MACROD2: variants seen among roughly 807,000 people sequenced by gnomAD.
The protein encoded by MACROD2 is ADP-ribose glycohydrolase MACROD2.
MACROD2 carries 36 observed loss-of-function variants against 70.4 expected under a neutral mutation model. The ratio of observed to expected loss-of-function variants is 0.51; its 90% CI spans 0.39 to 0.68. The LOEUF is 0.68. Ranked by LOEUF, MACROD2 falls within the 30% of genes least tolerant of loss-of-function variation. The probability of loss-of-function intolerance (pLI) is 0.00; values close to 1 mark genes in which losing one functional copy is unlikely to be tolerated. For synonymous variants in MACROD2, 172 were observed against 178.8 expected (o/e 0.96, Z 0.30); for missense variants, 496 against 538.4 (o/e 0.92, Z 0.78).
At chr20:14,900,336 C>T (rs548547866) in intron 5 of MACROD2, among the ~76,000 whole-genome samples, 16 of 152,078 alleles carry the variant, frequency 1.1e-4, no homozygotes, top group African/African-American at 2.9e-4. Context: ...AGAATGAGCT[C>T]GGAAGTGTTT....
At chr20:15,181,138 A>G (rs1461878391) in intron 5 of MACROD2, among the ~76,000 whole-genome samples, 1 of 152,182 alleles carries the variant, frequency 6.6e-6, no homozygotes, top group Admixed American at 6.5e-5. Context: ...AGTATAGAAA[A>G]TTCAGCTCTC....
At chr20:15,221,150 T>A (rs2145966065) in intron 5 of MACROD2, among the ~76,000 whole-genome samples, 1 of 152,274 alleles carries the variant, frequency 6.6e-6, no homozygotes, top group East Asian at 1.9e-4. Context: ...TAAAGCCGAT[T>A]TTCTCCTCAC....
At chr20:15,334,295 C>A (rs1330050538) in intron 6 of MACROD2, among the ~76,000 whole-genome samples, 1 of 143,588 alleles carries the variant, frequency 7.0e-6, no homozygotes, top group Non-Finnish European at 1.5e-5. Context: ...TTTCCTCTAT[C>A]ATAGAGTTCC....
intron 4 of MACROD2, among the ~76,000 whole-genome samples, chr20:14,609,267 G>T (rs927923330): frequency 6.6e-6 from 1 of 152,032 alleles, no homozygotes; most frequent in African/African-American, 2.4e-5. Flanking sequence ...GAAGTTAGAG[G>T]ATTCAAAATA....
intron 4 of MACROD2, among the ~76,000 whole-genome samples, chr20:14,513,962 T>A (rs559010676): frequency 3.9e-5 from 6 of 152,250 alleles, no homozygotes; most frequent in African/African-American, 1.4e-4. Flanking sequence ...GCTATCTTTT[T>A]AAATTTTACA....
intron 3 of MACROD2, among the ~76,000 whole-genome samples, chr20:14,216,769 T>C (rs1395947511): frequency 1.3e-5 from 2 of 152,108 alleles, no homozygotes; most frequent in Admixed American, 6.6e-5. Context: ...TGTTTGCAGC[T>C]ATTGTAAAAG....
chr20:15,494,075 G>A (rs1337771276), intron 7 of MACROD2, among the ~76,000 whole-genome samples: 3 of 152,058 alleles, frequency 2.0e-5, no homozygotes, highest in Non-Finnish European at 4.4e-5. Context: ...AACTTGTCTT[G>A]GCTTCTAGTT....
chr20:14,861,325 A>C (rs1251181049), intron 5 of MACROD2, among the ~76,000 whole-genome samples: 1 of 152,008 alleles, frequency 6.6e-6, no homozygotes, highest in Non-Finnish European at 1.5e-5. Flanking sequence ...AGTCTTGTCT[A>C]CTCATTGGAA....
At chr20:14,886,458 G>T (rs1415354961) in intron 5 of MACROD2, among the ~76,000 whole-genome samples, 1 of 152,166 alleles carries the variant, frequency 6.6e-6, no homozygotes, top group African/African-American at 2.4e-5. Context: ...CATTGGGAAA[G>T]TTTGAGAAGA....
intron 4 of MACROD2, among the ~76,000 whole-genome samples, chr20:14,537,611 C>A (rs941302207): frequency 6.6e-6 from 1 of 152,100 alleles, no homozygotes; most frequent in African/African-American, 2.4e-5. Context: ...CAGAGGTGGG[C>A]TAAGAGGACG....
In MACROD2 at chr20:14,532,255, G is replaced by A. The variant is rs1357850631; in HGVS notation, c.301+38747G>A. Among the ~76,000 whole-genome samples, 31 of 132,248 alleles carry A rather than the reference G, an allele frequency of 2.3e-4. No individual in the cohort carries two copies. In the East Asian group the frequency reaches 5.6e-3, roughly 24 times the overall value. 86.8% of individuals were successfully genotyped at this position (132,248 alleles called of 152,430 possible). On this transcript the variant is annotated intron_variant, in intron 4 of 17. Transcript: ENST00000684519. ...TTTTTTTGAGATGGAGTCTTGCTCT[G>A]TCACCCAGGCTGGAGTGCAATGGCG... is the stretch of plus-strand genomic sequence containing the variant.
chr20:14,754,466 G>A (rs999932755), intron 5 of MACROD2, among the ~76,000 whole-genome samples: 2 of 152,124 alleles, frequency 1.3e-5, no homozygotes, highest in Admixed American at 6.5e-5. Flanking sequence ...GTGTCAATTA[G>A]TGGTTGCTGT....
intron 6 of MACROD2, among the ~76,000 whole-genome samples, chr20:15,317,928 G>T (rs962970590): frequency 1.3e-5 from 2 of 151,744 alleles, no homozygotes; most frequent in African/African-American, 4.8e-5. Flanking sequence ...CAAATGTCTG[G>T]GACCAGTCAA....
intron 3 of MACROD2, among the ~76,000 whole-genome samples, chr20:14,401,269 A>G (rs1600203150): frequency 1.3e-5 from 2 of 152,242 alleles, no homozygotes; most frequent in East Asian, 3.9e-4. Flanking sequence ...ATAGGTATGC[A>G]TGTGTCTTTA....
chr20:15,252,305 A>C (rs910256497), intron 6 of MACROD2, among the ~76,000 whole-genome samples: 3 of 152,242 alleles, frequency 2.0e-5, no homozygotes, highest in African/African-American at 4.8e-5. Flanking sequence ...ATCCTGTACC[A>C]GTCAGGATAG....
At chr20:15,850,771 A>T (rs1262752947) in intron 8 of MACROD2, among the ~76,000 whole-genome samples, 2 of 152,108 alleles carry the variant, frequency 1.3e-5, no homozygotes, top group Admixed American at 1.3e-4. Context: ...ACTTTGAGAG[A>T]CACGTTTCCC....
chr20:15,835,900 G>A (rs1408956362), intron 8 of MACROD2, among the ~76,000 whole-genome samples: 1 of 152,164 alleles, frequency 6.6e-6, no homozygotes, highest in Non-Finnish European at 1.5e-5. Context: ...CTGTAAAGTT[G>A]CTTGCAGAAT....
At chr20:15,871,800 C>A (rs191761854) in intron 9 of MACROD2, among the ~76,000 whole-genome samples, 44 of 152,252 alleles carry the variant, frequency 2.9e-4, no homozygotes, top group African/African-American at 1.0e-3. Flanking sequence ...GAAGCCCTGA[C>A]TGAGAAATTT....
chr20:14,064,687 A>G (rs991156472), intron 2 of MACROD2, among the ~76,000 whole-genome samples: 3 of 152,174 alleles, frequency 2.0e-5, no homozygotes, highest in African/African-American at 7.2e-5. Context: ...CTGTGTTTCC[A>G]TTTAGGCTCC....
Sources: allele counts gnomAD v4.1 joint callset (sites outside exome capture counted in the v4.1 genomes callset), GRCh38; gene constraint gnomAD v4.1.1; transcripts MANE v1.5; gene names NCBI Gene and HGNC (gene_info 2026-07-23, HGNC 2026-07-21).